The following PRPF18 variants were observed in gnomAD, a reference collection of about 807,000 sequenced individuals.
PRPF18 encodes the protein pre-mRNA processing factor 18.
PRPF18 carries 38 observed loss-of-function variants against 46.5 expected under a neutral mutation model. The ratio of observed to expected loss-of-function variants is 0.82; its 90% CI spans 0.63 to 1.07. The LOEUF is 1.07. Ranked by LOEUF, PRPF18 falls within the 50% of genes least tolerant of loss-of-function variation. The pLI is 0.00. For synonymous variants in PRPF18, 152 were observed against 146.7 expected, an observed-to-expected ratio of 1.04 and a Z score of -0.26; for missense variants, 263 against 410.0, an observed-to-expected ratio of 0.64 and a Z score of 3.10.
Position 13,600,922 on chromosome 10 carries a change from G to A in PRPF18, c.249+574G>A, listed in dbSNP as rs958484729. 7.2e-5 allele frequency among the ~76,000 whole-genome samples: 11 copies of A among 152,136 alleles called. No homozygotes were observed. In the East Asian group the frequency reaches 7.7e-4, roughly 11 times the overall value. The stretch of plus-strand genomic sequence containing the variant: ...CTCCTGAGTGGCTGGGATTACAGGC[G>A]TGTGCCACCACACCCAGCTAATTTT... On this transcript the variant is annotated intron_variant, in intron 3 of 9. Coordinates refer to ENST00000378572, the MANE Select transcript of PRPF18 (RefSeq NM_003675.4).
At chr10:13,610,490 T>C (rs1471276869) in intron 5 of PRPF18, among the ~76,000 whole-genome samples, 1 of 152,258 alleles carries the variant, frequency 6.6e-6, no homozygotes, top group East Asian at 1.9e-4. Flanking sequence ...GATGTTATGC[T>C]GTGAAATTCT....
At chr10:13,594,422 C>T (rs529437277) in intron 1 of PRPF18, among the ~76,000 whole-genome samples, 1 of 152,306 alleles carries the variant, frequency 6.6e-6, no homozygotes, top group South Asian at 2.1e-4. Context: ...CTTCTTGATA[C>T]TACACCAAAA....
chr10:13,600,787 T>C (rs1036213871), intron 3 of PRPF18, among the ~76,000 whole-genome samples: 8 of 152,164 alleles, frequency 5.3e-5, no homozygotes, highest in African/African-American at 1.7e-4. Context: ...TCTTTATTTA[T>C]TTATTTTGAG....
downstream of PRPF18, among the ~76,000 whole-genome samples, chr10:13,634,044 T>C (rs1033100728): frequency 6.6e-6 from 1 of 152,192 alleles, no homozygotes; most frequent in Non-Finnish European, 1.5e-5. Context: ...TTTCTGGTGG[T>C]GTGGAATAGC....
the PRPF18 span, chr10:13,654,702 G>GC: frequency 2.5e-4 from 145 of 590,240 alleles, no homozygotes; most frequent in African/African-American, 1.2e-3. Flanking sequence ...ATCTCTACAT[G>GC]CCCCCCCAAC....
downstream of PRPF18, among the ~76,000 whole-genome samples, chr10:13,634,141 A>G (rs368212358): frequency 3.9e-5 from 6 of 152,356 alleles, no homozygotes; most frequent in East Asian, 1.9e-4. Context: ...TTAAAAAAAG[A>G]ATGTATTTTT....
At chr10:13,591,579 CAATCTTGTGCTGCTCTGT>C (rs1452031012) in intron 1 of PRPF18, 43 of 695,616 alleles carry the variant, frequency 6.2e-5, no homozygotes, top group Non-Finnish European at 9.8e-5. Flanking sequence ...GCTTTCTGAT[CAATCTTGTGCTGCTCTGT>C]AATCTTGTAT....
the PRPF18 span, chr10:13,640,181 A>G: frequency 6.6e-6 from 1 of 152,222 alleles, no homozygotes; most frequent in African/African-American, 2.4e-5. Context: ...CCACATTTTA[A>G]TGATCCCAGC....
intron 1 of PRPF18, among the ~76,000 whole-genome samples, chr10:13,591,279 G>A (rs2079957165): frequency 6.6e-6 from 1 of 152,174 alleles, no homozygotes; most frequent in African/African-American, 2.4e-5. Flanking sequence ...GTGTCTGTCA[G>A]TAACTTACAG....
chr10:13,621,320 G>A (rs1433765446), intron 9 of PRPF18, among the ~76,000 whole-genome samples: 1 of 152,230 alleles, frequency 6.6e-6, no homozygotes, highest in Non-Finnish European at 1.5e-5. Context: ...AGCAGGCGAT[G>A]AGAGGGACTG....
chr10:13,614,557 A>G (rs745994976), intron 8 of PRPF18, among the ~76,000 whole-genome samples: 6 of 152,140 alleles, frequency 3.9e-5, no homozygotes, highest in East Asian at 1.9e-4. Context: ...AATTGTTTCT[A>G]TGGGGAAATG....
the PRPF18 span, chr10:13,646,513 C>T: frequency 1.3e-5 from 2 of 152,238 alleles, no homozygotes; most frequent in Non-Finnish European, 2.9e-5. Context: ...CTTGGTTGGC[C>T]TACGTATGGG....
intron 4 of PRPF18, among the ~76,000 whole-genome samples, chr10:13,607,899 GAA>G (rs1321113056): frequency 6.6e-6 from 1 of 152,128 alleles, no homozygotes. Flanking sequence ...ATGGGCTCTT[GAA>G]AAGAGTATTG....
the PRPF18 span, chr10:13,654,452 G>A: frequency 3.1e-6 from 5 of 1,609,604 alleles, no homozygotes; most frequent in African/African-American, 1.3e-5. Flanking sequence ...GGGGCTGCTT[G>A]GGGGGGTGGC....
chr10:13,606,062 A>G (rs1414868588), intron 4 of PRPF18, among the ~76,000 whole-genome samples: 1 of 152,128 alleles, frequency 6.6e-6, no homozygotes, highest in Admixed American at 6.5e-5. Flanking sequence ...TGATGGGATG[A>G]TCTGTGAAGT....
intron 2 of PRPF18, among the ~76,000 whole-genome samples, chr10:13,597,837 C>T (rs535003184): frequency 3.7e-4 from 56 of 150,974 alleles, no homozygotes; most frequent in African/African-American, 1.3e-3. Context: ...TCTGAGACTG[C>T]GTTATTTTCA....
At chr10:13,635,109 C>G (rs1315786290), downstream of PRPF18, among the ~76,000 whole-genome samples, 1 of 152,174 alleles carries the variant, frequency 6.6e-6, no homozygotes, top group Non-Finnish European at 1.5e-5. Flanking sequence ...CATGTGTTCT[C>G]ATTGTTCAGC....
chr10:13,654,485 G>C, the PRPF18 span: 2 of 1,613,538 alleles, frequency 1.2e-6, no homozygotes, highest in African/African-American at 1.3e-5. Flanking sequence ...TGACGGTGTC[G>C]AGCTTCTCTG....
intron 5 of PRPF18, 124 bp downstream of exon 5, chr10:13,610,309 C>T (rs2080252285): frequency 4.6e-6 from 5 of 1,088,272 alleles, no homozygotes; most frequent in Admixed American, 5.4e-5. Context: ...TGTTTATTTA[C>T]TCCTCGCTTT....
Sources: allele counts gnomAD v4.1 joint callset (sites outside exome capture counted in the v4.1 genomes callset), GRCh38; gene constraint gnomAD v4.1.1; transcripts MANE v1.5; gene names NCBI Gene and HGNC (gene_info 2026-07-23, HGNC 2026-07-21).